The following DRC11 variants were observed in gnomAD, a reference collection of about 807,000 sequenced individuals.
DRC11 encodes dynein regulatory complex subunit 11.
the DRC11 span, among the ~76,000 whole-genome samples, chr2:236,492,653 C>T: frequency 6.6e-6 from 1 of 152,150 alleles, no homozygotes; most frequent in African/African-American, 2.4e-5. Context: ...TGAAGGCCAG[C>T]CAGAAGGGTG....
At chr2:236,336,834 G>A in the DRC11 span, among the ~76,000 whole-genome samples, 36 of 152,296 alleles carry the variant, frequency 2.4e-4, no homozygotes, top group African/African-American at 7.2e-4. This position sits in a 1 kb window ranked among gnomAD's most constrained non-coding sequence, Gnocchi z 7.3. Context: ...ATTCACACCC[G>A]TGTGTCCTCG....
At chr2:236,369,413 G>A in the DRC11 span, among the ~76,000 whole-genome samples, 1 of 152,102 alleles carries the variant, frequency 6.6e-6, no homozygotes, top group African/African-American at 2.4e-5. This position sits in a 1 kb window ranked among gnomAD's most constrained non-coding sequence, Gnocchi z 4.5. Flanking sequence ...CATCTATTAT[G>A]GCTTCAGATA....
the DRC11 span, among the ~76,000 whole-genome samples, chr2:236,317,645 C>T: frequency 1.3e-5 from 2 of 152,192 alleles, no homozygotes; most frequent in African/African-American, 4.8e-5. The surrounding 1 kb of genome is among the most constrained non-coding windows in gnomAD (Gnocchi z 5.4). Context: ...CTTTTCTGTG[C>T]TTGTGTCATA....
the DRC11 span, among the ~76,000 whole-genome samples, chr2:236,365,501 C>A: frequency 6.6e-6 from 1 of 151,888 alleles, no homozygotes; most frequent in African/African-American, 2.4e-5. The surrounding 1 kb of genome is among the most constrained non-coding windows in gnomAD (Gnocchi z 7.4). Context: ...TGGTCGGGGA[C>A]TGCAGGTGCC....
chr2:236,311,138 G>A, the DRC11 span, among the ~76,000 whole-genome samples: 2 of 152,222 alleles, frequency 1.3e-5, no homozygotes, highest in Non-Finnish European at 2.9e-5. This position sits in a 1 kb window ranked among gnomAD's most constrained non-coding sequence, Gnocchi z 6.9. Context: ...GGTGTGTGCC[G>A]TGGGGAGGCA....
chr2:236,456,586 A>C, the DRC11 span, among the ~76,000 whole-genome samples: 1 of 152,192 alleles, frequency 6.6e-6, no homozygotes, highest in Non-Finnish European at 1.5e-5. This position sits in a 1 kb window ranked among gnomAD's most constrained non-coding sequence, Gnocchi z 5.4. Flanking sequence ...TGTTGGCTTA[A>C]AAGATGGAAT....
chr2:236,319,620 C>T, the DRC11 span, among the ~76,000 whole-genome samples: 1 of 152,144 alleles, frequency 6.6e-6, no homozygotes, highest in Non-Finnish European at 1.5e-5. This position sits in a 1 kb window ranked among gnomAD's most constrained non-coding sequence, Gnocchi z 6.7. Context: ...CTCCTGGGTT[C>T]CCAATCGACT....
the DRC11 span, chr2:236,368,921 T>C: frequency 6.6e-6 from 1 of 152,284 alleles, no homozygotes; most frequent in Non-Finnish European, 1.5e-5. Flanking sequence ...TTAGAAGATA[T>C]CAAAGGGCTT....
the DRC11 span, among the ~76,000 whole-genome samples, chr2:236,366,709 C>T: frequency 6.6e-6 from 1 of 151,244 alleles, no homozygotes; most frequent in Middle Eastern, 3.4e-3. Flanking sequence ...ACACCAACCT[C>T]ATTAGGGAGG....
chr2:236,502,317 G>A, the DRC11 span, among the ~76,000 whole-genome samples: 3 of 152,040 alleles, frequency 2.0e-5, no homozygotes, highest in South Asian at 4.2e-4. Context: ...GGTGGCTCAC[G>A]CCTGTAATCC....
chr2:236,480,295 T>A, the DRC11 span, among the ~76,000 whole-genome samples: 1 of 152,170 alleles, frequency 6.6e-6, no homozygotes, highest in African/African-American at 2.4e-5. Context: ...AGGTTTGAAA[T>A]GTTTTCTGTT....
At chr2:236,394,593 A>G in the DRC11 span, among the ~76,000 whole-genome samples, 1 of 151,754 alleles carries the variant, frequency 6.6e-6, no homozygotes, top group Non-Finnish European at 1.5e-5. This position sits in a 1 kb window ranked among gnomAD's most constrained non-coding sequence, Gnocchi z 7.0. Flanking sequence ...ACTCCAGCCT[A>G]GGCGACAGAG....
chr2:236,497,244 C>T, the DRC11 span: 8 of 1,613,692 alleles, frequency 5.0e-6, no homozygotes, highest in African/African-American at 1.3e-5. The surrounding 1 kb of genome is among the most constrained non-coding windows in gnomAD (Gnocchi z 5.1). Context: ...CGTTCTTCAG[C>T]TCCAGGATGC....
the DRC11 span, among the ~76,000 whole-genome samples, chr2:236,494,290 C>T: frequency 2.4e-4 from 36 of 152,274 alleles, no homozygotes; most frequent in African/African-American, 7.9e-4. The surrounding 1 kb of genome is among the most constrained non-coding windows in gnomAD (Gnocchi z 4.2). Context: ...ATCATTAGCA[C>T]CGACTATTTG....
chr2:236,361,942 T>TA, the DRC11 span, among the ~76,000 whole-genome samples: 1 of 152,168 alleles, frequency 6.6e-6, no homozygotes, highest in African/African-American at 2.4e-5. The surrounding 1 kb of genome is among the most constrained non-coding windows in gnomAD (Gnocchi z 5.7). Flanking sequence ...ACACTCAGCA[T>TA]AAGAAAGCTG....
At chr2:236,440,659 A>G in the DRC11 span, among the ~76,000 whole-genome samples, 4 of 152,118 alleles carry the variant, frequency 2.6e-5, no homozygotes, top group African/African-American at 9.7e-5. Flanking sequence ...CACCCAAAGG[A>G]GCAGTGGCAT....
the DRC11 span, chr2:236,368,544 A>T: frequency 4.4e-6 from 2 of 453,812 alleles, no homozygotes; most frequent in Non-Finnish European, 7.9e-6. Flanking sequence ...GTTGACTATT[A>T]TATTAGCCTC....
chr2:236,406,066 G>A, the DRC11 span, among the ~76,000 whole-genome samples: 1 of 152,232 alleles, frequency 6.6e-6, no homozygotes, highest in East Asian at 1.9e-4. The surrounding 1 kb of genome is among the most constrained non-coding windows in gnomAD (Gnocchi z 4.7). Context: ...TCCGGCTACT[G>A]TGTGAACTTT....
chr2:236,457,521 G>C, the DRC11 span, among the ~76,000 whole-genome samples: 4 of 152,214 alleles, frequency 2.6e-5, no homozygotes, highest in Admixed American at 2.6e-4. This position sits in a 1 kb window ranked among gnomAD's most constrained non-coding sequence, Gnocchi z 4.7. Flanking sequence ...ACTGAATAAT[G>C]ATCCCTAAAG....
Sources: gnomAD v4.1 joint callset for allele counts (sites outside exome capture counted in the v4.1 genomes callset) on GRCh38, gnomAD v4.1.1 for gene constraint, Gnocchi (gnomAD v3.1) non-coding constraint, MANE v1.5 for transcripts, NCBI Gene and HGNC (gene_info 2026-07-23, HGNC 2026-07-21) for gene names.